The following MARCHF1 variants were observed in gnomAD, a reference collection of about 807,000 sequenced individuals.
MARCHF1 encodes membrane associated ring-CH-type finger 1, also known as E3 ubiquitin-protein ligase MARCHF1.
Under a neutral mutation model 54.2 loss-of-function variants are expected in MARCHF1, and 40 were observed. That is an observed-to-expected ratio of 0.74 (90% confidence interval 0.57 to 0.96). MARCHF1 has a LOEUF of 0.96. MARCHF1 is among the 40% of genes least tolerant of loss of function. The pLI, the probability that MARCHF1 is intolerant of heterozygous loss-of-function variation, is 0.00. For synonymous variants in MARCHF1, 236 were observed against 236.3 expected (o/e 1.00, Z 0.01); for missense variants, 586 against 656.5 (o/e 0.89, Z 1.17).
chr4:164,172,609 ATATCT>A (rs768300336), intron 1 of MARCHF1, among the ~76,000 whole-genome samples: 5 of 152,202 alleles, frequency 3.3e-5, no homozygotes, highest in Non-Finnish European at 7.3e-5. Context: ...ATGTAAATAA[ATATCT>A]TAAAGTAATT....
intron 5 of MARCHF1, among the ~76,000 whole-genome samples, chr4:163,647,751 A>G (rs1742813500): frequency 6.6e-6 from 1 of 151,868 alleles, no homozygotes; most frequent in Non-Finnish European, 1.5e-5. Flanking sequence ...TATAGGATAT[A>G]GCCAAAGCAG....
At chr4:163,833,955 T>C (rs1295236520) in intron 4 of MARCHF1, among the ~76,000 whole-genome samples, 1 of 152,152 alleles carries the variant, frequency 6.6e-6, no homozygotes, top group Admixed American at 6.5e-5. Flanking sequence ...TGAGCAGCAG[T>C]GCCAATGGAG....
chr4:163,848,259 T>C (rs937698103), intron 4 of MARCHF1, among the ~76,000 whole-genome samples: 1 of 152,186 alleles, frequency 6.6e-6, no homozygotes, highest in Non-Finnish European at 1.5e-5. Flanking sequence ...TGGAATATAA[T>C]ACACAGGCAA....
intron 3 of MARCHF1, among the ~76,000 whole-genome samples, chr4:163,955,811 T>C (rs1194993825): frequency 6.6e-6 from 1 of 152,180 alleles, no homozygotes; most frequent in African/African-American, 2.4e-5. Flanking sequence ...AGATTCTTGA[T>C]GAATGTCCAG....
intron 1 of MARCHF1, chr4:164,188,908 T>C: frequency 1.3e-6 from 1 of 772,042 alleles, no homozygotes; most frequent in Non-Finnish European, 2.4e-6. Context: ...CCTATTTCAA[T>C]GATGCCCAAT....
In MARCHF1 at chr4:163,982,558, C is replaced by A. The variant is rs563282677; in HGVS notation, c.-39+5943G>T. Reference sequence around the variant, plus strand: ...TTAATGTTGTAAGTGACATAACATTCTACCAAAAATATAGCTTAAACAATA... The same window carrying A: ...TTAATGTTGTAAGTGACATAACATTATACCAAAAATATAGCTTAAACAATA... On this transcript the variant is annotated intron_variant, in intron 3 of 9. Coordinates refer to ENST00000514618, the MANE Select transcript of MARCHF1 (RefSeq NM_001394959.1). 5.1e-4 allele frequency among the ~76,000 whole-genome samples: 78 copies of A among 152,324 alleles called. No individual in the cohort carries two copies. The South Asian group carries it at 5.6e-3, about 11-fold the overall frequency.
chr4:164,165,454 G>C (rs1382906468), intron 1 of MARCHF1, among the ~76,000 whole-genome samples: 1 of 151,872 alleles, frequency 6.6e-6, no homozygotes, highest in Non-Finnish European at 1.5e-5. Flanking sequence ...GACAGGAAGA[G>C]AGCCCTCAAC....
At chr4:164,037,066 T>A (rs551419765) in intron 2 of MARCHF1, among the ~76,000 whole-genome samples, 129 of 152,230 alleles carry the variant, frequency 8.5e-4, no homozygotes, top group African/African-American at 3.0e-3. Flanking sequence ...ATTCTAAGAT[T>A]TGGGGCTTGA....
intron 1 of MARCHF1, among the ~76,000 whole-genome samples, chr4:164,375,188 C>T (rs1326603901): frequency 1.3e-5 from 2 of 152,060 alleles, no homozygotes; most frequent in African/African-American, 4.8e-5. Context: ...TGGCTATGTG[C>T]TATGCTTCAG....
At chr4:163,671,203 A>G (rs1743724657) in intron 5 of MARCHF1, among the ~76,000 whole-genome samples, 1 of 152,176 alleles carries the variant, frequency 6.6e-6, no homozygotes, top group Admixed American at 6.5e-5. Flanking sequence ...TATTGTTACA[A>G]AGGCTCTTGT....
intron 3 of MARCHF1, among the ~76,000 whole-genome samples, chr4:163,982,707 A>G (rs1048826570): frequency 1.3e-5 from 2 of 152,060 alleles, no homozygotes; most frequent in Non-Finnish European, 2.9e-5. Flanking sequence ...TTCTCTCTCT[A>G]TGTTCTGCCT....
In MARCHF1 at chr4:164,249,859, C is replaced by T. The variant is rs150978151; in HGVS notation, c.-323+134011G>A. 3.6e-3 allele frequency among the ~76,000 whole-genome samples: 546 copies of T among 151,758 alleles called. 6 individuals carry two copies. Among genetic ancestry groups the T allele is most frequent in the African/African-American group, 0.012 (514 of 41,412 alleles). On this transcript the variant is annotated intron_variant, in intron 1 of 9. Transcript: ENST00000514618. ...AAATGATTATTTGATGATTAGATAG[C>T]GCTTCCATTGACAGAAATGGAAAAT...
chr4:163,532,783 G>T (rs965992878), intron 9 of MARCHF1, among the ~76,000 whole-genome samples: 1 of 151,932 alleles, frequency 6.6e-6, no homozygotes, highest in Non-Finnish European at 1.5e-5. Context: ...TATGTGATTA[G>T]AGAATTGCAC....
intron 3 of MARCHF1, among the ~76,000 whole-genome samples, chr4:163,981,515 G>A (rs1358158929): frequency 6.6e-6 from 1 of 152,146 alleles, no homozygotes; most frequent in African/African-American, 2.4e-5. Context: ...AAGAGAATGA[G>A]AATCGAATAG....
At chr4:164,297,596 G>C (rs1022336191) in intron 1 of MARCHF1, among the ~76,000 whole-genome samples, 5 of 152,074 alleles carry the variant, frequency 3.3e-5, no homozygotes, top group Non-Finnish European at 7.4e-5. Flanking sequence ...ACTAGACATG[G>C]CATAATATTC....
At chr4:164,186,944 C>T (rs1380808295) in intron 1 of MARCHF1, among the ~76,000 whole-genome samples, 5 of 151,634 alleles carry the variant, frequency 3.3e-5, no homozygotes, top group Admixed American at 1.3e-4. Flanking sequence ...GTTTGTGAAT[C>T]AATTATTTAT....
At chr4:163,563,001 G>GA (rs1304469117) in intron 8 of MARCHF1, among the ~76,000 whole-genome samples, 1 of 152,132 alleles carries the variant, frequency 6.6e-6, no homozygotes, top group Non-Finnish European at 1.5e-5. Context: ...TTTCTAGCTC[G>GA]AATGTTGTGC....
chr4:164,011,278 C>T (rs1753414751), intron 2 of MARCHF1, among the ~76,000 whole-genome samples: 1 of 152,116 alleles, frequency 6.6e-6, no homozygotes, highest in Non-Finnish European at 1.5e-5. Flanking sequence ...GAGATCATAT[C>T]AAGCTAAAAA....
chr4:163,957,520 C>T (rs910469095), intron 3 of MARCHF1, among the ~76,000 whole-genome samples: 4 of 151,492 alleles, frequency 2.6e-5, no homozygotes, highest in African/African-American at 9.7e-5. Context: ...TGTTTTAGTC[C>T]CCAAAAAAGT....
Sources: gnomAD v4.1 joint callset for allele counts (sites outside exome capture counted in the v4.1 genomes callset) on GRCh38, gnomAD v4.1.1 for gene constraint, MANE v1.5 for transcripts, NCBI Gene and HGNC (gene_info 2026-07-23, HGNC 2026-07-21) for gene names.